LRP11: variants seen among roughly 807,000 people sequenced by gnomAD.
LRP11 encodes low-density lipoprotein receptor-related protein 11.
In LRP11, 25 loss-of-function variants were observed where a neutral mutation model predicts 43.1. The observed-to-expected ratio is 0.58, with a 90% CI of 0.42 to 0.81. The LOEUF is 0.81. Ranked by LOEUF, LRP11 falls within the 30% of genes least tolerant of loss-of-function variation. The pLI, the probability that LRP11 is intolerant of heterozygous loss-of-function variation, is 0.00. For missense variants in LRP11, 623 were observed against 665.1 expected, an observed-to-expected ratio of 0.94 and a Z score of 0.70; for synonymous variants, 316 against 299.4, an observed-to-expected ratio of 1.06 and a Z score of -0.57.
At chr6:149,839,910 T>G (rs1403909050) in intron 3 of LRP11, among the ~76,000 whole-genome samples, 1 of 152,130 alleles carries the variant, frequency 6.6e-6, no homozygotes, top group Non-Finnish European at 1.5e-5. Context: ...AGGAAAAAAA[T>G]TAAAAATCAG....
intron 5 of LRP11, among the ~76,000 whole-genome samples, chr6:149,832,217 A>T (rs1472730919): frequency 5.5e-5 from 6 of 109,508 alleles, no homozygotes; most frequent in African/African-American, 2.6e-4. Context: ...TTTGAGACTG[A>T]GTCTCACTCT....
At chr6:149,846,275 G>A (rs1776631429) in intron 2 of LRP11, among the ~76,000 whole-genome samples, 1 of 152,330 alleles carries the variant, frequency 6.6e-6, no homozygotes, top group East Asian at 1.9e-4. Context: ...AACCAGGCTG[G>A]TGGGCAGCAG....
At chr6:149,834,145 G>A (rs1479072095) in intron 5 of LRP11, among the ~76,000 whole-genome samples, 3 of 152,096 alleles carry the variant, frequency 2.0e-5, no homozygotes, top group Non-Finnish European at 4.4e-5. Context: ...TTCTGTTCCT[G>A]CGTTAGTTTG....
Position 149,820,467 on chromosome 6 carries a change from A to C in LRP11, c.*82T>G, listed in dbSNP as rs1279410839. 6.7e-6 allele frequency: 4 copies of C among 592,634 alleles called. No homozygotes were observed. Among genetic ancestry groups the C allele is most frequent in the African/African-American group, 3.8e-5 (2 of 52,882 alleles). 36.7% of individuals were successfully genotyped at this position (592,634 alleles called of 1,614,324 possible). On this transcript the variant is annotated 3_prime_UTR_variant, in exon 7 of 7. Transcript: ENST00000239367. ...CTTCTGGCCCAATTAAAAACAAAAG[A>C]AGCTGTAAATATCCAGAACTTAATA... is the stretch of plus-strand genomic sequence containing the variant.
intron 1 of LRP11, among the ~76,000 whole-genome samples, chr6:149,862,930 A>G (rs1776943990): frequency 6.6e-6 from 1 of 152,022 alleles, no homozygotes. Flanking sequence ...TTCACTTTTT[A>G]TAAAAGGGAC....
chr6:149,861,197 T>C (rs964516407), intron 1 of LRP11, among the ~76,000 whole-genome samples: 5 of 152,094 alleles, frequency 3.3e-5, no homozygotes, highest in Admixed American at 3.3e-4. Context: ...CTCTGAAGCA[T>C]AAACAACTTC....
chr6:149,846,345 G>A (rs1377655513), intron 2 of LRP11, among the ~76,000 whole-genome samples: 2 of 152,180 alleles, frequency 1.3e-5, no homozygotes, highest in Non-Finnish European at 2.9e-5. Context: ...AGGGAGCATG[G>A]CTGCAAATGA....
chr6:149,847,492 G>A (rs1164336826), intron 2 of LRP11, among the ~76,000 whole-genome samples: 1 of 152,192 alleles, frequency 6.6e-6, no homozygotes, highest in Non-Finnish European at 1.5e-5. Flanking sequence ...GGGCCCAGGT[G>A]ACCCTTCTAT....
chr6:149,823,562 G>A (rs1440212879), intron 6 of LRP11, among the ~76,000 whole-genome samples: 4 of 152,240 alleles, frequency 2.6e-5, no homozygotes, highest in African/African-American at 9.6e-5. Context: ...AGACAGTCTT[G>A]ATTTACTGGG....
chr6:149,831,955 A>G (rs1415389053), intron 5 of LRP11, among the ~76,000 whole-genome samples: 1 of 151,910 alleles, frequency 6.6e-6, no homozygotes, highest in Non-Finnish European at 1.5e-5. Context: ...GAGCTGCTGC[A>G]CCCGATCATA....
In LRP11 at chr6:149,853,180, A is replaced by C; in HGVS notation, c.614-20T>G. The C allele has an allele frequency of 6.5e-7, 1 of 1,536,570 alleles. No homozygotes were observed. The highest frequency in any genetic ancestry group is 8.8e-7 in the Non-Finnish European group (1 of 1,141,490). ...CCTTTTCTGAGAAAGAAAATAAATAATTCATAAAAGATGATTTCTTATTTT... is the reference window on the plus strand; with the variant it reads ...CCTTTTCTGAGAAAGAAAATAAATACTTCATAAAAGATGATTTCTTATTTT... On this transcript the variant is annotated intron_variant, in intron 1 of 6. Coordinates refer to ENST00000239367, the MANE Select transcript of LRP11 (RefSeq NM_032832.6).
intron 3 of LRP11, 68 bp downstream of exon 3, chr6:149,842,915 G>A (rs1776570581): frequency 6.3e-7 from 1 of 1,579,294 alleles, no homozygotes; most frequent in Non-Finnish European, 8.7e-7. Flanking sequence ...CAGAGCCAGA[G>A]GACAAAGCGC....
rs1210087163 is a variant in LRP11 at position 149,820,311 on chromosome 6, T to G, written c.*238A>C. On this transcript the variant is annotated 3_prime_UTR_variant, in exon 7 of 7. Transcript: ENST00000239367. Reference sequence around the variant, plus strand: ...CACATTTCTATTTTCAGGGACAGCTTACATAAATCAGAATTATATTTTTAG... The same window carrying G: ...CACATTTCTATTTTCAGGGACAGCTGACATAAATCAGAATTATATTTTTAG... 2.8e-6 allele frequency: 1 copy of G among 360,048 alleles called. No homozygotes were observed. The highest frequency in any genetic ancestry group is 2.1e-5 in the African/African-American group (1 of 46,732). 22.3% of individuals were successfully genotyped at this position (360,048 alleles called of 1,614,324 possible).
At chr6:149,849,441 A>C (rs545899645) in intron 2 of LRP11, among the ~76,000 whole-genome samples, 1 of 152,334 alleles carries the variant, frequency 6.6e-6, no homozygotes, top group South Asian at 2.1e-4. Context: ...GTTCTGACCA[A>C]TCATCCATTC....
rs77365499 is a variant in LRP11 at position 149,856,450 on chromosome 6, T to C, written c.614-3290A>G. On this transcript the variant is annotated intron_variant, in intron 1 of 6. Transcript: ENST00000239367. ...AGGCCATTTCCATTGTAAAATGTAT[T>C]TTAAAATAACCCAGAGCTTATCTAC... 4.5e-4 allele frequency among the ~76,000 whole-genome samples: 68 copies of C among 152,320 alleles called. 1 individual carries two copies. The East Asian group carries it at 0.012, about 27-fold the overall frequency.
rs1776578188 is a variant in LRP11, at chr6:149,843,204, T to C, written c.772-80A>G. ...AACACCATCCTCAACCGAAAGTCCA[T>C]GTCCTCAGAGCAGCCCCAGGACCTG... On this transcript the variant is annotated intron_variant, in intron 2 of 6. Coordinates refer to ENST00000239367, the MANE Select transcript of LRP11 (RefSeq NM_032832.6). 2.1e-5 allele frequency: 32 copies of C among 1,555,946 alleles called. 1 individual carries two copies. The South Asian group carries it at 3.2e-4, about 16-fold the overall frequency.
intron 1 of LRP11, among the ~76,000 whole-genome samples, chr6:149,859,396 A>ATATATATTTTTTTTTTTTTTTTTT: frequency 4.2e-5 from 3 of 71,496 alleles, no homozygotes; most frequent in African/African-American, 2.5e-4. Context: ...ATATATATAT[A>ATATATATTTTTTTTTTTTTTTTTT]TTTTTTTTTT....
At chr6:149,825,980 T>TA (rs1188275071) in intron 6 of LRP11, 4 of 397,360 alleles carry the variant, frequency 1.0e-5, no homozygotes, top group African/African-American at 6.0e-5. Context: ...GGCATCTGAC[T>TA]CTAAAGCTTG....
rs1035814615 is a variant in LRP11, at chr6:149,842,649, G to A, written c.913+334C>T. On this transcript the variant is annotated intron_variant, in intron 3 of 6. Coordinates refer to ENST00000239367, the MANE Select transcript of LRP11 (RefSeq NM_032832.6). ...ACTAAACTCCTTAGCTTCCCTCTTG[G>A]AACAGATGCAGCAAATGGACCATCC... is the stretch of plus-strand genomic sequence containing the variant. 3.9e-6 allele frequency: 6 copies of A among 1,550,856 alleles called. No individual in the cohort carries two copies. In the African/African-American group the frequency reaches 4.1e-5, roughly 11 times the overall value.
Sources: gnomAD v4.1 joint callset for allele counts (sites outside exome capture counted in the v4.1 genomes callset) on GRCh38, gnomAD v4.1.1 for gene constraint, MANE v1.5 for transcripts, NCBI Gene and HGNC (gene_info 2026-07-23, HGNC 2026-07-21) for gene names.